Variants in ZNF320 observed in about 807,000 individuals in gnomAD.
ZNF320 encodes zinc finger protein 320.
A neutral mutation model predicts 6.8 loss-of-function variants in ZNF320; 2 were observed. The ratio of observed to expected loss-of-function variants is 0.29; its 90% CI spans 0.12 to 0.93. The LOEUF is 0.93. ZNF320 is among the 40% of genes least tolerant of loss of function. The pLI is 0.55. For synonymous variants in ZNF320, 208 were observed against 203.2 expected, an observed-to-expected ratio of 1.02 and a Z score of -0.20; for missense variants, 472 against 611.0, an observed-to-expected ratio of 0.77 and a Z score of 2.40.
chr19:52,881,334 A>G lies in ZNF320; in HGVS notation c.792T>C (p.His264=), dbSNP rs771075466. ...AAGGTTTCTCTCCAGTATGCAGTCTATGATGGTACACAAGGTGTGATGTCT... is the reference window on the plus strand; with the variant it reads ...AAGGTTTCTCTCCAGTATGCAGTCTGTGATGGTACACAAGGTGTGATGTCT... ...FSQTSHLVYH[H]RLHTGEKPYK... The change falls in exon 6 of 6, where the codon CAT becomes CAC. Residue 264 remains histidine, a synonymous_variant. Coordinates refer to ENST00000682928, the MANE Select transcript of ZNF320 (RefSeq NM_001351774.2). 29 of 1,613,716 alleles carry G rather than the reference A, an allele frequency of 1.8e-5. No individual in the cohort carries two copies. Among genetic ancestry groups the G allele is most frequent in the African/African-American group, 5.3e-5 (4 of 74,776 alleles).
downstream of ZNF320, among the ~76,000 whole-genome samples, chr19:52,859,520 C>G (rs1428521083): frequency 6.6e-6 from 1 of 152,136 alleles, no homozygotes; most frequent in African/African-American, 2.4e-5. Flanking sequence ...TATTGGAACA[C>G]AAAGTTTGAG....
At chr19:52,901,429 A>T (rs74540534), upstream of ZNF320, among the ~76,000 whole-genome samples, 27,953 of 152,124 alleles carry the variant, frequency 0.18, 3,041 homozygotes, top group Admixed American at 0.35. Context: ...GTGTGACTGC[A>T]GCAGGGCTTG....
chr19:52,860,038 G>C (rs2063478002), downstream of ZNF320, among the ~76,000 whole-genome samples: 1 of 151,536 alleles, frequency 6.6e-6, no homozygotes, highest in Non-Finnish European at 1.5e-5. Context: ...TCAGCCTCCA[G>C]AGTAGCTGGG....
At chr19:52,902,252 A>G (rs1251001665), upstream of ZNF320, among the ~76,000 whole-genome samples, 1 of 152,152 alleles carries the variant, frequency 6.6e-6, no homozygotes, top group Non-Finnish European at 1.5e-5. Flanking sequence ...GTATTGGGAG[A>G]CGGAAGCTGG....
At position 52,877,316 on chromosome 19, in the gene ZNF320, T is replaced by C. The variant is rs1231286595; in HGVS notation, c.*3280A>G. The C allele has an allele frequency of 6.6e-6, 1 of 152,226 alleles. No homozygotes were observed. The highest frequency in any genetic ancestry group is 1.5e-5 in the Non-Finnish European group (1 of 68,062). 9.4% of individuals were successfully genotyped at this position (152,226 alleles called of 1,614,324 possible). ...GTCTGGAAAGGTGGAATAACTGGAA[T>C]TGGGGACCTTCTGGGTCACAGGTAG... On this transcript the variant is annotated 3_prime_UTR_variant, in exon 6 of 6. Coordinates refer to ENST00000682928, the MANE Select transcript of ZNF320 (RefSeq NM_001351774.2).
chr19:52,870,890 G>C (rs187999707), intron 5 of ZNF320, among the ~76,000 whole-genome samples: 1 of 152,340 alleles, frequency 6.6e-6, no homozygotes, highest in East Asian at 1.9e-4. Context: ...GCTCAGGCCT[G>C]TAATCCCAGC....
chr19:52,878,103 T>C lies in ZNF320; in HGVS notation c.*2493A>G. ...TTGATATGGTAACGTGACTGAATCTTCAGACAGCATGAATATGTGTGCCAT... is the reference window on the plus strand; with the variant it reads ...TTGATATGGTAACGTGACTGAATCTCCAGACAGCATGAATATGTGTGCCAT... On this transcript the variant is annotated 3_prime_UTR_variant, in exon 6 of 6. Transcript: ENST00000682928. 4.8e-6 allele frequency: 1 copy of C among 208,588 alleles called. No homozygotes were observed. The highest frequency in any genetic ancestry group is 1.0e-5 in the Non-Finnish European group (1 of 97,172). The allele number at this position is 208,588 out of a possible 1,614,324, so 12.9% of individuals were successfully genotyped here. A position where few individuals can be genotyped will look rare whatever the true frequency, so the allele number is the denominator to read the frequency against.
intron 5 of ZNF320, among the ~76,000 whole-genome samples, chr19:52,882,627 A>G (rs1426106306): frequency 6.6e-6 from 1 of 152,172 alleles, no homozygotes; most frequent in Admixed American, 6.5e-5. Context: ...AGCCTGGGTG[A>G]CAAAGTGAGA....
chr19:52,867,399 T>C (rs1029394682), intron 5 of ZNF320, among the ~76,000 whole-genome samples: 1 of 152,020 alleles, frequency 6.6e-6, no homozygotes, highest in Non-Finnish European at 1.5e-5. Context: ...GGTTTCACCA[T>C]GTTGGCCAGG....
intron 2 of ZNF320, among the ~76,000 whole-genome samples, chr19:52,891,812 C>T (rs1197410393): frequency 6.6e-6 from 1 of 152,080 alleles, no homozygotes; most frequent in Non-Finnish European, 1.5e-5. Flanking sequence ...GACATATTCA[C>T]CGAGTTACCC....
intron 1 of ZNF320, chr19:52,895,570 T>A: frequency 6.6e-6 from 1 of 151,492 alleles, no homozygotes; most frequent in Non-Finnish European, 1.5e-5. Context: ...CAGCACTTTC[T>A]GAGGCTGAGG....
intron 5 of ZNF320, among the ~76,000 whole-genome samples, chr19:52,866,216 T>TTA (rs1162186426): frequency 2.9e-5 from 3 of 102,278 alleles, no homozygotes; most frequent in African/African-American, 4.3e-5. Flanking sequence ...ATACATATAT[T>TTA]TATATATATG....
At chr19:52,887,090 C>G (rs146111102) in intron 5 of ZNF320, among the ~76,000 whole-genome samples, 58 of 152,164 alleles carry the variant, frequency 3.8e-4, no homozygotes, top group Non-Finnish European at 3.4e-4. Context: ...AAAGATGTCC[C>G]TTCAGAGATC....
At chr19:52,895,154 G>A (rs1347398782) in intron 1 of ZNF320, 1 of 152,154 alleles carries the variant, frequency 6.6e-6, no homozygotes, top group Non-Finnish European at 1.5e-5. Context: ...ACCAAATTTT[G>A]ATGTTAGCGT....
chr19:52,902,236 A>G (rs554106212), upstream of ZNF320, among the ~76,000 whole-genome samples: 69 of 152,340 alleles, frequency 4.5e-4, 1 homozygote, highest in African/African-American at 1.4e-3. Context: ...ACAAGAAGTG[A>G]ACTTAGTATT....
At chr19:52,865,846 CAT>C (rs887701203) in intron 5 of ZNF320, among the ~76,000 whole-genome samples, 1 of 73,574 alleles carries the variant, frequency 1.4e-5, no homozygotes, top group African/African-American at 6.5e-5. Context: ...TGATTATACA[CAT>C]ATATTTATAT....
chr19:52,866,072 A>ATG (rs1194339259), intron 5 of ZNF320, among the ~76,000 whole-genome samples: 17 of 112,960 alleles, frequency 1.5e-4, no homozygotes, highest in Non-Finnish European at 2.6e-4. Flanking sequence ...ATATTTATAT[A>ATG]TATGATTATA....
At chr19:52,865,437 T>TAA (rs2063527111) in intron 5 of ZNF320, 1 of 153,012 alleles carries the variant, frequency 6.5e-6, no homozygotes, top group African/African-American at 3.0e-5. Flanking sequence ...CCAGGCTTTA[T>TAA]ATATATATAT....
chr19:52,899,044 T>G (rs377249191), upstream of ZNF320, among the ~76,000 whole-genome samples: 34 of 152,382 alleles, frequency 2.2e-4, no homozygotes, highest in South Asian at 2.3e-3. Flanking sequence ...GAGTTCTTAC[T>G]CTTGTTTTTG....
Sources: gnomAD v4.1 joint callset for allele counts (sites outside exome capture counted in the v4.1 genomes callset) on GRCh38, gnomAD v4.1.1 for gene constraint, MANE v1.5 for transcripts, NCBI Gene and HGNC (gene_info 2026-07-23, HGNC 2026-07-21) for gene names.